GPM6A: variants seen among roughly 807,000 people sequenced by gnomAD.
GPM6A encodes glycoprotein M6A.
Under a neutral mutation model 32.1 loss-of-function variants are expected in GPM6A, and 7 were observed. The observed-to-expected ratio is 0.22, with a 90% CI of 0.12 to 0.41. The LOEUF (loss-of-function observed/expected upper bound fraction) is 0.41. Ranked by LOEUF, GPM6A falls within the 10% of genes least tolerant of loss-of-function variation. GPM6A has a pLI of 1.00. For synonymous variants in GPM6A, 130 were observed against 123.4 expected, an observed-to-expected ratio of 1.05 and a Z score of -0.35; for missense variants, 235 against 347.2, an observed-to-expected ratio of 0.68 and a Z score of 2.57.
intron 3 of GPM6A, among the ~76,000 whole-genome samples, chr4:175,670,927 G>T (rs548593123): frequency 8.9e-5 from 13 of 146,138 alleles, no homozygotes; most frequent in Admixed American, 5.6e-4. Context: ...GCAGTGGCAC[G>T]ATCTGGGCTC....
Position 175,835,253 on chromosome 4 carries a change from C to T in GPM6A, c.-22-23004G>A, listed in dbSNP as rs562222345. On this transcript the variant is annotated intron_variant, in intron 1 of 7. Transcript: ENST00000280187. ...AAGACTAATCTAAATGATTAGGAAA[C>T]GTAAATTTTATCTCATAGTGGAAAT... Among the ~76,000 whole-genome samples the T allele has an allele frequency of 2.8e-4, 42 of 152,100 alleles. No homozygotes were observed. In the South Asian group the frequency reaches 5.2e-3, roughly 19 times the overall value.
intron 1 of GPM6A, among the ~76,000 whole-genome samples, chr4:175,766,639 T>C (rs1732977710): frequency 6.6e-6 from 1 of 151,132 alleles, no homozygotes; most frequent in African/African-American, 2.4e-5. Context: ...AGAAGATCAG[T>C]GCCTCCACTT....
chr4:175,678,199 A>T (rs566345790), intron 2 of GPM6A, among the ~76,000 whole-genome samples: 42 of 152,286 alleles, frequency 2.8e-4, no homozygotes, highest in African/African-American at 9.9e-4. Context: ...TGTCAATGGC[A>T]TTGGAGAAAA....
chr4:175,865,708 G>A (rs1424400058), intron 1 of GPM6A, among the ~76,000 whole-genome samples: 2 of 151,628 alleles, frequency 1.3e-5, no homozygotes, highest in Non-Finnish European at 2.9e-5. Context: ...TAGTTTTTGA[G>A]ACTTTTTTTC....
chr4:175,967,916 T>C (rs1343911960), intron 1 of GPM6A, among the ~76,000 whole-genome samples: 2 of 152,142 alleles, frequency 1.3e-5, no homozygotes, highest in Non-Finnish European at 2.9e-5. Context: ...AATAAATTGA[T>C]TCTAAATTTT....
intron 3 of GPM6A, among the ~76,000 whole-genome samples, chr4:175,668,016 A>C (rs968050728): frequency 1.3e-5 from 2 of 152,170 alleles, no homozygotes; most frequent in African/African-American, 4.8e-5. Context: ...GGCTGTTGTA[A>C]GTCTCTTGTA....
chr4:175,720,584 C>A (rs755014385), intron 1 of GPM6A, among the ~76,000 whole-genome samples: 1 of 152,132 alleles, frequency 6.6e-6, no homozygotes, highest in Non-Finnish European at 1.5e-5. Flanking sequence ...TTTCATGTAG[C>A]TTTATACGTC....
intron 1 of GPM6A, among the ~76,000 whole-genome samples, chr4:175,705,770 T>C (rs74914273): frequency 6.6e-6 from 1 of 152,100 alleles, no homozygotes; most frequent in South Asian, 2.1e-4. Context: ...ATTAAATGAA[T>C]ATTAGTGAAG....
chr4:175,708,251 C>T (rs2111082291), intron 1 of GPM6A, among the ~76,000 whole-genome samples: 1 of 152,172 alleles, frequency 6.6e-6, no homozygotes, highest in South Asian at 2.1e-4. Flanking sequence ...ACTGGAATAT[C>T]AGTTTCAATT....
At chr4:175,695,784 A>T (rs559481924) in intron 2 of GPM6A, among the ~76,000 whole-genome samples, 1 of 152,174 alleles carries the variant, frequency 6.6e-6, no homozygotes, top group African/African-American at 2.4e-5. Context: ...TGAGAAGGAC[A>T]TGAGATTTGG....
chr4:175,760,906 A>T (rs115827655), intron 1 of GPM6A, among the ~76,000 whole-genome samples: 1 of 152,192 alleles, frequency 6.6e-6, no homozygotes, highest in Non-Finnish European at 1.5e-5. Context: ...CCACAGAATG[A>T]CTGTGACATT....
rs191461843 is a variant in GPM6A, at chr4:175,921,972, T to C, written c.-23+80337A>G. Among the ~76,000 whole-genome samples, 124 of 152,304 alleles carry C rather than the reference T, an allele frequency of 8.1e-4. 2 individuals are homozygous for C. The highest frequency in any genetic ancestry group is 2.9e-5 in the Non-Finnish European group (2 of 68,028). ...GAACTAGAATGGGAGGGTAATCTGCTTCTCAGGGAGTAATAGAAGACCCAG... is the reference window on the plus strand; with the variant it reads ...GAACTAGAATGGGAGGGTAATCTGCCTCTCAGGGAGTAATAGAAGACCCAG... On this transcript the variant is annotated intron_variant, in intron 1 of 7. Transcript: ENST00000280187.
intron 6 of GPM6A, among the ~76,000 whole-genome samples, chr4:175,637,705 TTA>T (rs1274312271): frequency 0.42 from 3,555 of 8,468 alleles, 342 homozygotes; most frequent in African/African-American, 0.51. Context: ...ATATTATATA[TTA>T]TATATATTTA....
intron 2 of GPM6A, among the ~76,000 whole-genome samples, chr4:175,699,858 G>C (rs1479779395): frequency 6.6e-6 from 1 of 151,992 alleles, no homozygotes; most frequent in Admixed American, 6.6e-5. Flanking sequence ...TTCTTGCTCT[G>C]TTACCTGATA....
At chr4:175,768,545 A>G (rs1257610361) in intron 1 of GPM6A, among the ~76,000 whole-genome samples, 1 of 152,206 alleles carries the variant, frequency 6.6e-6, no homozygotes, top group Admixed American at 6.5e-5. Context: ...ATAATTCAGT[A>G]TAGTGACTAA....
intron 1 of GPM6A, among the ~76,000 whole-genome samples, chr4:175,940,124 T>A (rs1739359002): frequency 6.6e-6 from 1 of 152,144 alleles, no homozygotes; most frequent in African/African-American, 2.4e-5. Flanking sequence ...AGACTAGCAA[T>A]AATAAAATAG....
chr4:175,921,801 T>C (rs4690418), intron 1 of GPM6A, among the ~76,000 whole-genome samples: 112,947 of 152,104 alleles, frequency 0.74, 45,166 homozygotes, highest in Non-Finnish European at 0.88. Context: ...CATTTACTTA[T>C]TGGAGTGTAC....
At chr4:175,675,267 T>G (rs970199967) in intron 2 of GPM6A, among the ~76,000 whole-genome samples, 5 of 151,042 alleles carry the variant, frequency 3.3e-5, no homozygotes, top group African/African-American at 1.2e-4. Flanking sequence ...TATATATATA[T>G]CTGCATGATC....
rs577605161 is a variant in GPM6A at position 175,951,457 on chromosome 4, T to A, written c.-23+50852A>T. On this transcript the variant is annotated intron_variant, in intron 1 of 7. Coordinates refer to the GPM6A transcript ENST00000280187. ...ATAGAGTTGGACAAGCACTGGCCTA[T>A]AAGTCCGAAATTTCTGGATTCCATC... Among the ~76,000 whole-genome samples the A allele has an allele frequency of 2.0e-5, 3 of 152,282 alleles. No individual in the cohort carries two copies. In the South Asian group the frequency reaches 6.2e-4, roughly 32 times the overall value.
Sources: gnomAD v4.1 joint callset for allele counts (sites outside exome capture counted in the v4.1 genomes callset) on GRCh38, gnomAD v4.1.1 for gene constraint, MANE v1.5 for transcripts, NCBI Gene and HGNC (gene_info 2026-07-23, HGNC 2026-07-21) for gene names.